ZZEF1: variants seen among roughly 807,000 people sequenced by gnomAD.
The protein encoded by ZZEF1 is zinc finger ZZ-type and EF-hand domain containing 1, also known as zinc finger ZZ-type and EF-hand domain-containing protein 1.
Under a neutral mutation model 342.8 loss-of-function variants are expected in ZZEF1, and 157 were observed. The ratio of observed to expected loss-of-function variants is 0.46; its 90% confidence interval spans 0.40 to 0.52. The LOEUF (loss-of-function observed/expected upper bound fraction) is 0.52, where lower values mean the gene tolerates loss of function less well. Among genes scored for constraint, ZZEF1 ranks in the 20% least tolerant of loss-of-function variants. The probability of loss-of-function intolerance (pLI) is 0.00; values close to 1 mark genes in which losing one functional copy is unlikely to be tolerated. For synonymous variants in ZZEF1, 1,505 were observed against 1,429.1 expected, an observed-to-expected ratio of 1.05 and a Z score of -1.20; for missense variants, 3,480 against 3,725.6, an observed-to-expected ratio of 0.93 and a Z score of 1.72.
At chr17:4,090,291 T>C (rs1311721662) in intron 12 of ZZEF1, among the ~76,000 whole-genome samples, 5 of 140,436 alleles carry the variant, frequency 3.6e-5, no homozygotes, top group African/African-American at 1.4e-4. Context: ...CTCCACACAC[T>C]GTAGCCTGGC....
chr17:4,132,739 G>A (rs539690883), intron 1 of ZZEF1, among the ~76,000 whole-genome samples: 2 of 101,646 alleles, frequency 2.0e-5, no homozygotes, highest in South Asian at 8.0e-4. Flanking sequence ...GGCCGAGGCG[G>A]GTGGATCACG....
intron 33 of ZZEF1, among the ~76,000 whole-genome samples, chr17:4,055,575 TTG>T (rs2057140147): frequency 6.6e-6 from 1 of 152,190 alleles, no homozygotes; most frequent in Admixed American, 6.5e-5. Context: ...CCCACACTGC[TTG>T]TCTACAGGAA....
Position 4,088,913 on chromosome 17 carries a change from T to C in ZZEF1, c.2026-20A>G. The C allele has an allele frequency of 6.2e-7, 1 of 1,610,956 alleles. No homozygotes were observed. The highest frequency in any genetic ancestry group is 1.1e-5 in the South Asian group (1 of 90,906). On this transcript the variant is annotated intron_variant, in intron 12 of 54. Coordinates refer to ENST00000381638, the MANE Select transcript of ZZEF1 (RefSeq NM_015113.4). ...CAAATACTGGACAGGACAAGAGAGA[T>C]TTCAATAGAAGAACTCAGAATCCCT...
intron 1 of ZZEF1, among the ~76,000 whole-genome samples, chr17:4,124,627 T>G (rs905492717): frequency 2.0e-5 from 3 of 148,528 alleles, no homozygotes; most frequent in African/African-American, 7.5e-5. Flanking sequence ...TTTTTTTTTT[T>G]TTGTATTTTC....
chr17:4,096,812 A>T, intron 9 of ZZEF1, 112 bp from the exon 10 acceptor site: 1 of 809,934 alleles, frequency 1.2e-6, no homozygotes, highest in Non-Finnish European at 2.0e-6. Flanking sequence ...AACTGGTCTG[A>T]TATCTTCACG....
At chr17:4,093,869 G>C (rs1192219664) in intron 11 of ZZEF1, among the ~76,000 whole-genome samples, 1 of 152,076 alleles carries the variant, frequency 6.6e-6, no homozygotes, top group African/African-American at 2.4e-5. Flanking sequence ...CTTATCCAAG[G>C]GGGCACCAGT....
chr17:4,028,937 T>C (rs1468042802), intron 42 of ZZEF1, among the ~76,000 whole-genome samples: 1 of 152,348 alleles, frequency 6.6e-6, no homozygotes, highest in East Asian at 1.9e-4. Flanking sequence ...GTACGAATAT[T>C]AGATTTCAGA....
At chr17:4,026,493 G>A (rs2056406711) in intron 42 of ZZEF1, among the ~76,000 whole-genome samples, 1 of 150,878 alleles carries the variant, frequency 6.6e-6, no homozygotes, top group Non-Finnish European at 1.5e-5. Context: ...ACACAAGCCA[G>A]AAGACAATAG....
intron 12 of ZZEF1, 27 bp downstream of exon 12, chr17:4,090,692 G>A (rs2145381383): frequency 1.3e-6 from 2 of 1,563,182 alleles, no homozygotes; most frequent in Admixed American, 1.7e-5. Context: ...AAGGAGGGGA[G>A]TGGGCAAACG....
At chr17:4,064,072 G>T (rs899913330) in intron 29 of ZZEF1, among the ~76,000 whole-genome samples, 1 of 150,854 alleles carries the variant, frequency 6.6e-6, no homozygotes, top group Non-Finnish European at 1.5e-5. Flanking sequence ...GAGGGGGGGG[G>T]GTCTCACTAT....
At chr17:4,027,126 ATC>A (rs1020163080) in intron 42 of ZZEF1, among the ~76,000 whole-genome samples, 1 of 151,444 alleles carries the variant, frequency 6.6e-6, no homozygotes, top group Non-Finnish European at 1.5e-5. Context: ...ATCTCTTGAA[ATC>A]TCTCTCTCTC....
At chr17:4,123,166 C>T (rs536828164) in intron 2 of ZZEF1, among the ~76,000 whole-genome samples, 6 of 149,014 alleles carry the variant, frequency 4.0e-5, no homozygotes, top group East Asian at 2.0e-4. Context: ...GTGATCCGCC[C>T]GCCTCGGCCT....
intron 1 of ZZEF1, among the ~76,000 whole-genome samples, chr17:4,140,506 A>G (rs2058826230): frequency 6.6e-6 from 1 of 152,126 alleles, no homozygotes; most frequent in African/African-American, 2.4e-5. Flanking sequence ...TGTCTCTTCC[A>G]CCACAACTAC....
chr17:4,136,225 T>C (rs1042288568), intron 1 of ZZEF1, among the ~76,000 whole-genome samples: 2 of 149,444 alleles, frequency 1.3e-5, no homozygotes, highest in African/African-American at 4.9e-5. Context: ...GTGCCTGTAA[T>C]CCCAGCTAAT....
chr17:4,060,347 T>C (rs1423696198), intron 30 of ZZEF1, among the ~76,000 whole-genome samples: 1 of 152,078 alleles, frequency 6.6e-6, no homozygotes, highest in Non-Finnish European at 1.5e-5. Flanking sequence ...GGCGGATCAA[T>C]TGAGGTCAGG....
chr17:4,064,511 G>A lies in ZZEF1; in HGVS notation c.4568C>T (p.Thr1523Ile). The change falls in exon 29 of 55, where the codon ACC (threonine) becomes ATC (isoleucine). Residue 1523 changes from threonine (T) to isoleucine (I), a missense_variant. This residue lies in a region of ZZEF1 where 1,528 missense variants were observed against 1,624.1 expected (regional missense o/e 0.94). Transcript: ENST00000381638. ...CCCTCGGGTGAAGGGAGGCCGGCGG[G>A]TGGGTGTGGAAGGTGACAAGGGCTC... is the stretch of plus-strand genomic sequence containing the variant. Reference protein sequence around the residue: ...AEEPLSPSTPTRRPPFTRGRL... With the variant: ...AEEPLSPSTPIRRPPFTRGRL... 4 of 1,614,214 alleles carry A rather than the reference G, an allele frequency of 2.5e-6. No homozygotes were observed. Among genetic ancestry groups the A allele is most frequent in the Non-Finnish European group, 3.4e-6 (4 of 1,180,046 alleles).
chr17:4,053,140 C>G (rs1195160469), intron 34 of ZZEF1, among the ~76,000 whole-genome samples: 4 of 152,188 alleles, frequency 2.6e-5, no homozygotes, highest in Non-Finnish European at 1.5e-5. Context: ...ACAGAACCAC[C>G]TTCCTCTAGC....
At chr17:4,128,269 A>T (rs1322933914) in intron 1 of ZZEF1, among the ~76,000 whole-genome samples, 1 of 148,138 alleles carries the variant, frequency 6.8e-6, no homozygotes, top group Non-Finnish European at 1.5e-5. Context: ...AATCGCTTGA[A>T]GCCAGGAGGC....
chr17:4,079,520 A>AGG (rs2057683865), intron 18 of ZZEF1, among the ~76,000 whole-genome samples: 3 of 152,246 alleles, frequency 2.0e-5, no homozygotes, highest in African/African-American at 7.2e-5. Flanking sequence ...AGAGATGGGC[A>AGG]GAAGAGTCTG....
Sources: gnomAD v4.1 joint callset for allele counts (sites outside exome capture counted in the v4.1 genomes callset) on GRCh38, gnomAD v4.1.1 for gene constraint, gnomAD v4.1.1 regional missense constraint, MANE v1.5 for transcripts, NCBI Gene and HGNC (gene_info 2026-07-23, HGNC 2026-07-21) for gene names.